Variants in TENM2 observed in about 807,000 individuals in gnomAD.
The protein encoded by TENM2 is teneurin-2.
TENM2 carries 52 observed loss-of-function variants against 245.2 expected under a neutral mutation model. That is an observed-to-expected ratio of 0.21 (90% CI 0.17 to 0.27). The LOEUF is 0.27. Ranked by LOEUF, TENM2 falls within the 10% of genes least tolerant of loss-of-function variation. TENM2 has a pLI of 1.00. For synonymous variants in TENM2, 1,363 were observed against 1,438.9 expected (o/e 0.95, Z 1.19); for missense variants, 3,046 against 3,666.8 (o/e 0.83, Z 4.37).
chr5:167,502,495 T>G (rs1769275902), intron 2 of TENM2, among the ~76,000 whole-genome samples: 1 of 152,214 alleles, frequency 6.6e-6, no homozygotes, highest in African/African-American at 2.4e-5. Flanking sequence ...ACTACAACTT[T>G]TAATATTCAT....
chr5:168,022,722 C>T (rs562145960), intron 5 of TENM2, among the ~76,000 whole-genome samples: 1 of 152,334 alleles, frequency 6.6e-6, no homozygotes, highest in Admixed American at 6.5e-5. Flanking sequence ...TATACAAAAG[C>T]ATGTATAGTG....
At chr5:168,083,353 G>A (rs546954317) in intron 7 of TENM2, among the ~76,000 whole-genome samples, 27 of 152,264 alleles carry the variant, frequency 1.8e-4, no homozygotes, top group Admixed American at 1.6e-3. Flanking sequence ...CATCTGTCAT[G>A]GCTTCCCTTG....
chr5:167,002,442 A>G, the TENM2 span, among the ~76,000 whole-genome samples: 2 of 152,118 alleles, frequency 1.3e-5, no homozygotes, highest in African/African-American at 4.8e-5. Flanking sequence ...TCTTGAGAAA[A>G]ATTATAGCTG....
At chr5:168,036,804 C>T (rs944787289) in intron 5 of TENM2, among the ~76,000 whole-genome samples, 1 of 148,300 alleles carries the variant, frequency 6.7e-6, no homozygotes, top group Non-Finnish European at 1.5e-5. Flanking sequence ...GTCACAAATT[C>T]AAAATAAGTC....
At chr5:168,000,019 C>T (rs1784316321) in intron 5 of TENM2, among the ~76,000 whole-genome samples, 2 of 152,224 alleles carry the variant, frequency 1.3e-5, no homozygotes, top group African/African-American at 4.8e-5. Flanking sequence ...AATCACCATT[C>T]AAGCCTTGCC....
intron 23 of TENM2, among the ~76,000 whole-genome samples, chr5:168,225,130 T>C (rs1764040113): frequency 6.6e-6 from 1 of 152,108 alleles, no homozygotes; most frequent in Non-Finnish European, 1.5e-5. Flanking sequence ...AAGGGAGTCA[T>C]TGGGAAACTG....
chr5:167,254,944 A>T, the TENM2 span, among the ~76,000 whole-genome samples: 1 of 152,038 alleles, frequency 6.6e-6, no homozygotes, highest in African/African-American at 2.4e-5. Flanking sequence ...AGTAAGTCTG[A>T]AGGTGTGATA....
At chr5:168,097,315 G>A (rs988757457) in intron 8 of TENM2, among the ~76,000 whole-genome samples, 1 of 152,204 alleles carries the variant, frequency 6.6e-6, no homozygotes, top group Admixed American at 6.5e-5. Context: ...ATGAAGGTTG[G>A]GGGGTGGTTG....
At chr5:167,719,470 G>C (rs1177013276) in intron 2 of TENM2, among the ~76,000 whole-genome samples, 3 of 152,212 alleles carry the variant, frequency 2.0e-5, no homozygotes, top group Non-Finnish European at 4.4e-5. Context: ...CGAACAGCTG[G>C]AGTGGGGTTT....
At chr5:168,220,013 TCTGA>T (rs1258419063) in intron 23 of TENM2, among the ~76,000 whole-genome samples, 2 of 152,084 alleles carry the variant, frequency 1.3e-5, no homozygotes, top group African/African-American at 4.8e-5. Context: ...TTCCCCTGGT[TCTGA>T]CTTTCTTCTT....
chr5:168,005,131 C>T (rs758892566), intron 5 of TENM2, among the ~76,000 whole-genome samples: 5 of 152,098 alleles, frequency 3.3e-5, no homozygotes, highest in African/African-American at 9.7e-5. Flanking sequence ...TTAAGCCTTT[C>T]GGAAAGGTCA....
At chr5:168,181,274 T>A (rs1051380897) in intron 13 of TENM2, among the ~76,000 whole-genome samples, 2 of 152,256 alleles carry the variant, frequency 1.3e-5, no homozygotes, top group Non-Finnish European at 2.9e-5. Flanking sequence ...AACCATTTTT[T>A]AAAAATAACT....
chr5:168,075,933 C>A (rs1791426722), intron 7 of TENM2, among the ~76,000 whole-genome samples: 1 of 152,112 alleles, frequency 6.6e-6, no homozygotes, highest in Admixed American at 6.5e-5. Flanking sequence ...ATCATGAGAA[C>A]AGCACAGGAA....
intron 9 of TENM2, among the ~76,000 whole-genome samples, chr5:168,115,218 G>A (rs180887100): frequency 0.02 from 3,064 of 151,754 alleles, 102 homozygotes; most frequent in African/African-American, 0.07. Context: ...GCTTGAACCC[G>A]GGAGGCAGAG....
At chr5:168,126,240 A>C (rs543464204) in intron 11 of TENM2, among the ~76,000 whole-genome samples, 23 of 152,144 alleles carry the variant, frequency 1.5e-4, no homozygotes, top group Non-Finnish European at 2.6e-4. Flanking sequence ...TCCCCAACTG[A>C]CCTCTTGTGC....
intron 2 of TENM2, among the ~76,000 whole-genome samples, chr5:167,845,737 A>T (rs74459937): frequency 0.071 from 10,831 of 152,152 alleles, 448 homozygotes; most frequent in African/African-American, 0.1. Context: ...ACCATTCTTA[A>T]CCTGTTTTCA....
intron 2 of TENM2, among the ~76,000 whole-genome samples, chr5:167,628,866 A>G (rs1277850520): frequency 1.3e-5 from 2 of 152,094 alleles, no homozygotes; most frequent in African/African-American, 2.4e-5. Flanking sequence ...TACTTTCTTT[A>G]TTACTCATTG....
the TENM2 span, among the ~76,000 whole-genome samples, chr5:167,083,173 G>A: frequency 2.0e-4 from 30 of 152,158 alleles, no homozygotes; most frequent in Non-Finnish European, 2.9e-5. Context: ...GCACTGGTCC[G>A]TTGATGCTTC....
At chr5:167,729,312 A>G (rs1232405179) in intron 2 of TENM2, among the ~76,000 whole-genome samples, 2 of 152,326 alleles carry the variant, frequency 1.3e-5, no homozygotes, top group East Asian at 3.9e-4. Flanking sequence ...TTAAGTTTTT[A>G]TCACAGAGCT....
Sources: allele counts gnomAD v4.1 joint callset (sites outside exome capture counted in the v4.1 genomes callset), GRCh38; gene constraint gnomAD v4.1.1; transcripts MANE v1.5; gene names NCBI Gene and HGNC (gene_info 2026-07-23, HGNC 2026-07-21).